MYO18B: variants seen among roughly 807,000 people sequenced by gnomAD.
MYO18B encodes the protein myosin XVIIIB.
MYO18B carries 204 observed loss-of-function variants against 273.0 expected under a neutral mutation model. That is an observed-to-expected ratio of 0.75 (90% CI 0.67 to 0.84). The LOEUF (loss-of-function observed/expected upper bound fraction) is 0.84, where lower values mean the gene tolerates loss of function less well. Ranked by LOEUF, MYO18B falls within the 40% of genes least tolerant of loss-of-function variation. The probability of loss-of-function intolerance (pLI) is 0.00; values close to 1 mark genes in which losing one functional copy is unlikely to be tolerated. For synonymous variants in MYO18B, 1,330 were observed against 1,305.7 expected, an observed-to-expected ratio of 1.02 and a Z score of -0.40; for missense variants, 3,212 against 3,287.6, an observed-to-expected ratio of 0.98 and a Z score of 0.56.
At chr22:25,851,655 G>A in intron 21 of MYO18B, 76 bp downstream of exon 21, 3 of 1,108,452 alleles carry the variant, frequency 2.7e-6, no homozygotes, top group Admixed American at 2.0e-5. Context: ...TCCAAGGCTG[G>A]GCACGGTGAG....
At chr22:25,846,321 A>T in intron 19 of MYO18B, 38 bp downstream of exon 19, 3 of 1,601,506 alleles carry the variant, frequency 1.9e-6, no homozygotes, top group Non-Finnish European at 2.6e-6. Context: ...CCTGGCCTTC[A>T]CTGCCTCCAT....
At chr22:25,902,925 T>C (rs765277381) in intron 30 of MYO18B, 189 bp downstream of exon 30, 38 of 597,406 alleles carry the variant, frequency 6.4e-5, no homozygotes, top group Admixed American at 2.8e-4. Flanking sequence ...TAATCAGACT[T>C]TGAGCAAGAT....
chr22:25,990,712 A>AAAAG (rs1555981190), intron 39 of MYO18B, among the ~76,000 whole-genome samples: 21 of 42,794 alleles, frequency 4.9e-4, no homozygotes, highest in South Asian at 2.2e-3. Flanking sequence ...AAAAAAAAAA[A>AAAAG]AAAAAAAAGA....
chr22:25,878,142 C>G (rs1400897527), intron 25 of MYO18B, 94 bp downstream of exon 25: 1 of 996,606 alleles, frequency 1.0e-6, no homozygotes, highest in Non-Finnish European at 1.5e-6. Context: ...TGAAAGCATG[C>G]TAATTGCTTT....
intron 43 of MYO18B, among the ~76,000 whole-genome samples, chr22:26,029,815 G>A (rs1241510341): frequency 1.3e-5 from 2 of 152,078 alleles, no homozygotes; most frequent in East Asian, 3.9e-4. Context: ...GGAAAACAGG[G>A]GTAAGAATAC....
intron 15 of MYO18B, 126 bp from the exon 16 acceptor site, chr22:25,832,791 A>T (rs986396972): frequency 3.2e-5 from 4 of 124,218 alleles, no homozygotes; most frequent in Non-Finnish European, 6.6e-5. Context: ...GCCAAAATTT[A>T]AAAAAACGAT....
intron 7 of MYO18B, among the ~76,000 whole-genome samples, chr22:25,776,983 G>T (rs1756122974): frequency 6.6e-6 from 1 of 152,114 alleles, no homozygotes; most frequent in Non-Finnish European, 1.5e-5. Flanking sequence ...GCATTTAATG[G>T]TATCTCTTTG....
chr22:25,812,211 C>G (rs1270156941), intron 12 of MYO18B, among the ~76,000 whole-genome samples: 1 of 152,174 alleles, frequency 6.6e-6, no homozygotes, highest in Admixed American at 6.5e-5. Context: ...CAGGCCTGGC[C>G]TGTCTGCATC....
chr22:25,952,709 A>C (rs2092806836), intron 38 of MYO18B, among the ~76,000 whole-genome samples: 1 of 151,590 alleles, frequency 6.6e-6, no homozygotes. Context: ...TTTCACCTTT[A>C]CTTTTTCCTC....
chr22:25,895,135 C>A, intron 27 of MYO18B, 21 bp from the exon 28 acceptor site: 1 of 1,609,706 alleles, frequency 6.2e-7, no homozygotes, highest in South Asian at 1.1e-5. Flanking sequence ...TTATCCTGGT[C>A]TCCCTGACTC....
chr22:25,776,487 C>T (rs748961901), intron 7 of MYO18B, among the ~76,000 whole-genome samples: 8 of 152,142 alleles, frequency 5.3e-5, no homozygotes, highest in Non-Finnish European at 1.2e-4. Context: ...ATCCCAGCTA[C>T]TCAGAAGGCT....
At chr22:25,942,622 C>G (rs2092657731) in intron 34 of MYO18B, among the ~76,000 whole-genome samples, 1 of 152,210 alleles carries the variant, frequency 6.6e-6, no homozygotes, top group South Asian at 2.1e-4. Flanking sequence ...CACTTCCCCT[C>G]TGTGTGTCTC....
intron 42 of MYO18B, among the ~76,000 whole-genome samples, chr22:26,012,694 A>G (rs7288885): frequency 0.35 from 53,445 of 152,024 alleles, 10,211 homozygotes; most frequent in African/African-American, 0.5. Context: ...TGGTAGGTCT[A>G]TGGACCTTTT....
intron 21 of MYO18B, among the ~76,000 whole-genome samples, chr22:25,860,505 G>A (rs934119730): frequency 1.3e-5 from 2 of 152,054 alleles, no homozygotes; most frequent in Non-Finnish European, 2.9e-5. Flanking sequence ...TTTCCTCAAA[G>A]TACTACTTTG....
intron 34 of MYO18B, among the ~76,000 whole-genome samples, chr22:25,941,587 T>G (rs757193485): frequency 6.6e-6 from 1 of 152,242 alleles, no homozygotes; most frequent in East Asian, 1.9e-4. Flanking sequence ...ATGGAAATAA[T>G]GTGCAGTGAA....
At chr22:25,991,945 C>T (rs1651200955) in intron 39 of MYO18B, among the ~76,000 whole-genome samples, 1 of 152,218 alleles carries the variant, frequency 6.6e-6, no homozygotes, top group Non-Finnish European at 1.5e-5. Context: ...CTCCCCATGA[C>T]CTCCTGCACC....
chr22:25,972,646 G>A (rs1380123487), intron 39 of MYO18B, among the ~76,000 whole-genome samples: 1 of 152,192 alleles, frequency 6.6e-6, no homozygotes, highest in East Asian at 1.9e-4. Context: ...AGGAGACTAA[G>A]GCTGAGAGAG....
At chr22:26,009,843 T>G (rs144980414) in intron 42 of MYO18B, among the ~76,000 whole-genome samples, 16 of 152,338 alleles carry the variant, frequency 1.1e-4, no homozygotes, top group African/African-American at 3.8e-4. Flanking sequence ...TTTGTGATTT[T>G]GGCTCTGCAG....
At chr22:25,817,335 T>A (rs1023771367) in intron 12 of MYO18B, among the ~76,000 whole-genome samples, 3 of 151,796 alleles carry the variant, frequency 2.0e-5, no homozygotes, top group East Asian at 3.9e-4. Context: ...CTTTTCTTTT[T>A]CTTTTCTCTC....
Sources: gnomAD v4.1 joint callset for allele counts (sites outside exome capture counted in the v4.1 genomes callset) on GRCh38, gnomAD v4.1.1 for gene constraint, MANE v1.5 for transcripts, NCBI Gene and HGNC (gene_info 2026-07-23, HGNC 2026-07-21) for gene names.